The following ABHD4 variants were observed in gnomAD, a reference collection of about 807,000 sequenced individuals.
The protein encoded by ABHD4 is abhydrolase domain containing 4, N-acyl phospholipase B.
A neutral mutation model predicts 42.3 loss-of-function variants in ABHD4; 35 were observed. The observed-to-expected ratio is 0.83, with a 90% CI of 0.63 to 1.10. The LOEUF is 1.10. Ranked by LOEUF, ABHD4 falls within the 50% of genes least tolerant of loss-of-function variation. The pLI, the probability that ABHD4 is intolerant of heterozygous loss-of-function variation, is 0.00. For missense variants in ABHD4, 389 were observed against 454.8 expected, an observed-to-expected ratio of 0.86 and a Z score of 1.32; for synonymous variants, 169 against 170.6, an observed-to-expected ratio of 0.99 and a Z score of 0.07.
chr14:22,610,182 C>T (rs1272161451), intron 6 of ABHD4, among the ~76,000 whole-genome samples: 1 of 152,092 alleles, frequency 6.6e-6, no homozygotes, highest in East Asian at 1.9e-4. Flanking sequence ...CTCAGCCTCC[C>T]GAGTAGCTGG....
At chr14:22,598,710 C>G (rs961083797) in intron 1 of ABHD4, 3 of 387,950 alleles carry the variant, frequency 7.7e-6, no homozygotes, top group Middle Eastern at 8.7e-4. Context: ...ACTTGCCCCC[C>G]AGAACGGCAG....
chr14:22,600,832 G>A (rs1364828985), intron 1 of ABHD4, among the ~76,000 whole-genome samples: 1 of 14,090 alleles, frequency 7.1e-5, no homozygotes, highest in Non-Finnish European at 1.9e-4. Context: ...CAGCAGGGGG[G>A]TGTGTGTGTG....
chr14:22,607,890 G>A (rs1354533085), intron 5 of ABHD4, among the ~76,000 whole-genome samples: 1 of 152,192 alleles, frequency 6.6e-6, no homozygotes, highest in Non-Finnish European at 1.5e-5. Flanking sequence ...ACTCAATTTT[G>A]TAACTCCCTG....
chr14:22,605,675 G>A, intron 4 of ABHD4: 4 of 464,568 alleles, frequency 8.6e-6, no homozygotes, highest in Non-Finnish European at 1.6e-5. Flanking sequence ...AGTTGGGGAA[G>A]TTGGCCAGCA....
rs1472343261 is a variant in ABHD4 at position 22,598,310 on chromosome 14, G to A, written c.4G>A (p.Ala2Thr). 22 of 1,551,598 alleles carry A rather than the reference G, an allele frequency of 1.4e-5. No individual in the cohort carries two copies. The highest frequency in any genetic ancestry group is 1.8e-5 in the Non-Finnish European group (21 of 1,146,972). The change falls in exon 1 of 7, where the codon GCC (alanine) becomes ACC (threonine). Residue 2 changes from alanine (A) to threonine (T), a missense_variant. By Grantham distance (58) the Ala-to-Thr change is moderately conservative. Around this residue, in one of 3 missense-constraint regions of ABHD4, gnomAD observed 102 missense variants for 128.3 expected, o/e 0.80. Transcript: ENST00000428304. Reference protein sequence around the residue: MADDLEQQSQGW... With the variant: MTDDLEQQSQGW... Reference sequence around the variant, plus strand: ...GACCTGGCAAGGCTTGTTTACTATGGCCGATGATCTGGAGCAGCAGTGAGT... The same window carrying A: ...GACCTGGCAAGGCTTGTTTACTATGACCGATGATCTGGAGCAGCAGTGAGT...
chr14:22,609,898 T>C lies in ABHD4; in HGVS notation c.927T>C (p.Tyr309=), dbSNP rs375951069. Residue 309 remains tyrosine (Y), a synonymous_variant, in exon 6 of 7, where the codon TAT becomes TAC. Transcript: ENST00000428304. ...KKVKMQRPDS[Y]VRDMEIKGAS... ...TGAAGATGCAGCGGCCGGATTCCTA[T>C]GTCCGAGACATGGTATGTTGCACCA... The C allele has an allele frequency of 6.7e-5, 108 of 1,613,896 alleles. No homozygotes were observed. Among genetic ancestry groups the C allele is most frequent in the Non-Finnish European group, 9.0e-5 (106 of 1,179,986 alleles).
chr14:22,603,258 T>G, intron 2 of ABHD4, 132 bp from the exon 3 acceptor site: 16 of 1,165,782 alleles, frequency 1.4e-5, no homozygotes, highest in East Asian at 2.4e-5. Context: ...CAGAGGGTTG[T>G]GAGAGGAAGG....
Position 22,603,331 on chromosome 14 carries a change from A to T in ABHD4, c.113-59A>T, listed in dbSNP as rs1404531847. ...AATGTGAAGAGTGGTAGTCCAGGCA[A>T]AATGATGATGCCGTCAGGAAACACT... is the stretch of plus-strand genomic sequence containing the variant. On this transcript the variant is annotated intron_variant, in intron 2 of 6. Coordinates refer to ENST00000428304, the MANE Select transcript of ABHD4 (RefSeq NM_022060.3). 4 of 1,603,440 alleles carry T rather than the reference A, an allele frequency of 2.5e-6. No homozygotes were observed. The African/African-American group carries it at 5.4e-5, about 21-fold the overall frequency.
At position 22,604,015 on chromosome 14, in the gene ABHD4, AGCCGTG is replaced by A; in HGVS notation, c.579_584del (p.Val194_Ala195del). On this transcript the variant is annotated inframe_deletion, in exon 4 of 7. Coordinates refer to ENST00000428304, the MANE Select transcript of ABHD4 (RefSeq NM_022060.3). ...TCCGTGCACCCCCAGCCTGGGTCAA[AGCCGTG>A]GCATCTGTCCTAGGACGTTCCAATC... The A allele has an allele frequency of 6.2e-7, 1 of 1,614,196 alleles. No homozygotes were observed.
intron 2 of ABHD4, 137 bp from the exon 3 acceptor site, chr14:22,603,253 G>A (rs2037306687): frequency 9.1e-7 from 1 of 1,102,022 alleles, no homozygotes; most frequent in Non-Finnish European, 1.3e-6. Flanking sequence ...GTGGTCAGAG[G>A]GTTGTGAGAG....
At chr14:22,598,528 T>G in intron 1 of ABHD4, 199 bp downstream of exon 1, 1 of 1,483,028 alleles carries the variant, frequency 6.7e-7, no homozygotes. Flanking sequence ...TGGGGAGCCA[T>G]GGGAGACGCG....
intron 2 of ABHD4, among the ~76,000 whole-genome samples, 184 bp downstream of exon 2, chr14:22,601,939 T>G (rs565203776): frequency 1.4e-4 from 22 of 152,292 alleles, no homozygotes; most frequent in Non-Finnish European, 2.6e-4. Context: ...CTGATAATAG[T>G]GCTTCCTCAC....
chr14:22,598,830 T>TA, intron 1 of ABHD4: 1 of 161,288 alleles, frequency 6.2e-6, no homozygotes, highest in Non-Finnish European at 1.3e-5. Flanking sequence ...GGCTTGCAAG[T>TA]TTCTTTAGCT....
chr14:22,609,539 G>A lies in ABHD4; in HGVS notation c.753-185G>A, dbSNP rs568471949. 5.2e-5 allele frequency: 30 copies of A among 574,128 alleles called. No homozygotes were observed. In the South Asian group the frequency reaches 5.9e-4, roughly 11 times the overall value. The allele number at this position is 574,128 out of a possible 1,614,324, so 35.6% of individuals were successfully genotyped here. A position where few individuals can be genotyped will look rare whatever the true frequency, so the allele number is the denominator to read the frequency against. Reference sequence around the variant, plus strand: ...TGGGGTTTTTCACAAGTGTTCCTCCGAACTCTTCTGTGATGGGAGGCCTCT... The same window carrying A: ...TGGGGTTTTTCACAAGTGTTCCTCCAAACTCTTCTGTGATGGGAGGCCTCT... On this transcript the variant is annotated intron_variant, in intron 5 of 6. Transcript: ENST00000428304.
chr14:22,598,561 T>G, intron 1 of ABHD4: 1 of 1,253,836 alleles, frequency 8.0e-7, no homozygotes, highest in Non-Finnish European at 1.1e-6. Flanking sequence ...CCGGGGATCC[T>G]GGCTTTCTAC....
chr14:22,611,649 G>C lies in ABHD4; in HGVS notation c.*701G>C, dbSNP rs1428797215. ...CTTGTTGCACACTTGATTTGCTAAGGCTGGAGACAGGCACCATTGCCATGG... is the reference window on the plus strand; with the variant it reads ...CTTGTTGCACACTTGATTTGCTAAGCCTGGAGACAGGCACCATTGCCATGG... On this transcript the variant is annotated 3_prime_UTR_variant, in exon 7 of 7. Coordinates refer to ENST00000428304, the MANE Select transcript of ABHD4 (RefSeq NM_022060.3). 1 of 152,658 alleles carries C rather than the reference G, an allele frequency of 6.6e-6. No homozygotes were observed. Among genetic ancestry groups the C allele is most frequent in the Non-Finnish European group, 1.5e-5 (1 of 68,172 alleles). 9.5% of individuals were successfully genotyped at this position (152,658 alleles called of 1,614,324 possible).
intron 1 of ABHD4, 189 bp downstream of exon 1, chr14:22,598,518 T>A (rs1448589779): frequency 1.3e-6 from 2 of 1,505,136 alleles, no homozygotes; most frequent in Non-Finnish European, 1.8e-6. Context: ...CGGCTGAGCC[T>A]GGGGAGCCAT....
At chr14:22,605,917 C>T (rs2037344216) in intron 4 of ABHD4, 1 of 1,026,958 alleles carries the variant, frequency 9.7e-7, no homozygotes, top group Non-Finnish European at 1.3e-6. Context: ...AAAACAGTGC[C>T]CTGAGTCTGA....
chr14:22,608,437 G>A (rs1413850215), intron 5 of ABHD4, among the ~76,000 whole-genome samples: 1 of 152,160 alleles, frequency 6.6e-6, no homozygotes, highest in African/African-American at 2.4e-5. Flanking sequence ...AAATGACCGG[G>A]GAGTGAAATA....
Sources: gnomAD v4.1 joint callset for allele counts (sites outside exome capture counted in the v4.1 genomes callset) on GRCh38, gnomAD v4.1.1 for gene constraint, gnomAD v4.1.1 regional missense constraint, MANE v1.5 for transcripts, NCBI Gene and HGNC (gene_info 2026-07-23, HGNC 2026-07-21) for gene names.